MOCOS: variants seen among roughly 807,000 people sequenced by gnomAD.
The protein encoded by MOCOS is molybdenum cofactor sulfurase.
A neutral mutation model predicts 83.6 loss-of-function variants in MOCOS; 86 were observed. The ratio of observed to expected loss-of-function variants is 1.03; its 90% confidence interval spans 0.86 to 1.23. The LOEUF is 1.23. Among genes scored for constraint, MOCOS ranks in the 50% most tolerant of loss-of-function variants. The pLI is 0.00. For synonymous variants in MOCOS, 445 were observed against 434.7 expected (o/e 1.02, Z -0.29); for missense variants, 1,120 against 1,126.9 (o/e 0.99, Z 0.09).
chr18:36,198,355 C>T (rs942360578), intron 2 of MOCOS, among the ~76,000 whole-genome samples: 2 of 152,172 alleles, frequency 1.3e-5, no homozygotes, highest in African/African-American at 2.4e-5. Flanking sequence ...TGCCACTGCC[C>T]TCCATCCTGG....
chr18:36,199,321 T>A lies in MOCOS; in HGVS notation c.300-362T>A, dbSNP rs139818425. Among the ~76,000 whole-genome samples the A allele has an allele frequency of 5.6e-3, 857 of 152,332 alleles. 6 individuals carry two copies. Among genetic ancestry groups the A allele is most frequent in the African/African-American group, 0.019 (809 of 41,560 alleles). On this transcript the variant is annotated intron_variant, in intron 3 of 14. Transcript: ENST00000261326. ...TGTGAAAGTGATACTGTTTTGCTAT[T>A]AGAGTTGCCAAAACTAAAAGCAATG...
chr18:36,198,702 G>T lies in MOCOS; in HGVS notation c.245G>T (p.Ser82Ile). ...TGTAACCTGCCAGGTAATCCTCACA[G>T]CCAGAACATCAGCAGCAAGCTCACC... ...LMENTYGNPH[S>I]QNISSKLTHD... is the part of the protein sequence containing the mutation. The change falls in exon 3 of 15, where the codon AGC becomes ATC. Residue 82 changes from serine to isoleucine, a missense_variant. Transcript: ENST00000261326. 6.2e-7 allele frequency: 1 copy of T among 1,614,180 alleles called. No individual in the cohort carries two copies. Among genetic ancestry groups the T allele is most frequent in the Non-Finnish European group, 8.5e-7 (1 of 1,180,016 alleles).
intron 13 of MOCOS, among the ~76,000 whole-genome samples, chr18:36,265,742 T>G (rs1185538915): frequency 1.4e-4 from 1 of 7,348 alleles, no homozygotes; most frequent in African/African-American, 3.1e-4. Context: ...TACGTATGGA[T>G]ATATATATAT....
intron 4 of MOCOS, among the ~76,000 whole-genome samples, chr18:36,202,694 G>T (rs188342913): frequency 1.3e-5 from 2 of 152,308 alleles, no homozygotes; most frequent in African/African-American, 4.8e-5. Flanking sequence ...CCAAGACTGG[G>T]TAATTTATAA....
rs141031202 is a variant in MOCOS, at chr18:36,253,045, G to A, written c.2164+1762G>A. ...AGAAATAGGCATTTCCAGGGGTAGA[G>A]GCATGAAAGGAGTAGGATTTGTCAG... On this transcript the variant is annotated intron_variant, in intron 11 of 14. Transcript: ENST00000261326. 6.1e-3 allele frequency among the ~76,000 whole-genome samples: 933 copies of A among 152,282 alleles called. 5 individuals carry two copies. The highest frequency in any genetic ancestry group is 0.016 in the South Asian group (77 of 4,820).
chr18:36,187,715 G>T, intron 1 of MOCOS, 34 bp downstream of exon 1: 1 of 1,257,062 alleles, frequency 8.0e-7, no homozygotes, highest in Non-Finnish European at 1.0e-6. Flanking sequence ...GGGACACGAG[G>T]TTTCTGGAAC....
At chr18:36,213,079 A>C (rs1015300385) in intron 6 of MOCOS, among the ~76,000 whole-genome samples, 6 of 152,220 alleles carry the variant, frequency 3.9e-5, no homozygotes, top group Non-Finnish European at 2.9e-5. Flanking sequence ...ACACAGTAAC[A>C]CTTGGAGTCC....
chr18:36,265,740 G>GATATATATATAT (rs35832849), intron 13 of MOCOS, among the ~76,000 whole-genome samples: 2 of 149,346 alleles, frequency 1.3e-5, no homozygotes, highest in African/African-American at 4.9e-5. Context: ...GGTACGTATG[G>GATATATATATAT]ATATATATAT....
chr18:36,242,332 C>G (rs933227340), intron 9 of MOCOS, among the ~76,000 whole-genome samples: 1 of 152,230 alleles, frequency 6.6e-6, no homozygotes, highest in African/African-American at 2.4e-5. Context: ...TTCCTCATCT[C>G]TATCTGAGAC....
At position 36,268,895 on chromosome 18, in the gene MOCOS, A is replaced by C. The variant is rs939616208; in HGVS notation, c.*210A>C. On this transcript the variant is annotated 3_prime_UTR_variant, in exon 15 of 15. Coordinates refer to ENST00000261326, the MANE Select transcript of MOCOS (RefSeq NM_017947.4). ...CTCAGGAGAGCACTTCTGAGGCCTCAGGAACGAATGCTGCACCCACATCCA... is the reference window on the plus strand; with the variant it reads ...CTCAGGAGAGCACTTCTGAGGCCTCCGGAACGAATGCTGCACCCACATCCA... 4 of 584,968 alleles carry C rather than the reference A, an allele frequency of 6.8e-6. No individual in the cohort carries two copies. The highest frequency in any genetic ancestry group is 3.7e-5 in the African/African-American group (2 of 53,588). The allele number at this position is 584,968 out of a possible 1,614,324, so 36.2% of individuals were successfully genotyped here. A position where few individuals can be genotyped will look rare whatever the true frequency, so the allele number is the denominator to read the frequency against.
intron 9 of MOCOS, among the ~76,000 whole-genome samples, chr18:36,220,732 C>G (rs774424886): frequency 6.6e-6 from 1 of 151,862 alleles, no homozygotes; most frequent in Non-Finnish European, 1.5e-5. Context: ...ACCAGACTGG[C>G]CAACATGACG....
intron 1 of MOCOS, among the ~76,000 whole-genome samples, 199 bp downstream of exon 1, chr18:36,187,880 T>C (rs2091347869): frequency 6.6e-6 from 1 of 152,196 alleles, no homozygotes; most frequent in Admixed American, 6.5e-5. Context: ...CTTGCTACTC[T>C]TACTCTTCCG....
chr18:36,206,578 A>G (rs1447426178), intron 6 of MOCOS, among the ~76,000 whole-genome samples: 1 of 152,032 alleles, frequency 6.6e-6, no homozygotes, highest in Non-Finnish European at 1.5e-5. Flanking sequence ...TTCAGGGGAT[A>G]CATGTGCAGG....
At chr18:36,214,584 A>G (rs1268387440) in intron 7 of MOCOS, among the ~76,000 whole-genome samples, 5 of 152,052 alleles carry the variant, frequency 3.3e-5, no homozygotes, top group Non-Finnish European at 5.9e-5. Context: ...TTTCATTAGG[A>G]ATAATTTGAG....
intron 9 of MOCOS, among the ~76,000 whole-genome samples, chr18:36,237,446 A>G (rs376401203): frequency 2.0e-5 from 3 of 152,144 alleles, no homozygotes; most frequent in Non-Finnish European, 4.4e-5. Flanking sequence ...ATTGATTTGC[A>G]TATATTGAAC....
At chr18:36,198,552 A>G in intron 2 of MOCOS, 138 bp from the exon 3 acceptor site, 2 of 821,770 alleles carry the variant, frequency 2.4e-6, no homozygotes, top group African/African-American at 1.7e-5. Context: ...AGGGATAGAA[A>G]TCTAGGAGTG....
rs777177743 is a variant in MOCOS, at chr18:36,266,776, A to G, written c.2437A>G (p.Met813Val). 4 of 1,614,082 alleles carry G rather than the reference A, an allele frequency of 2.5e-6. No homozygotes were observed. The Admixed American group carries it at 5.0e-5, about 20-fold the overall frequency. ...TTTGGGGCCTTGTCACAGATGCCAG[A>G]TGATTTGCATCGACCAGCAAACTGG... ...QVLGPCHRCQMICIDQQTGQR... is the reference protein window; with the variant it reads ...QVLGPCHRCQVICIDQQTGQR... Residue 813 changes from methionine to valine, a missense_variant, in exon 14 of 15, where the codon ATG (methionine) becomes GTG (valine). Met to Val is a conservative substitution (Grantham distance 21). Transcript: ENST00000261326.
intron 9 of MOCOS, among the ~76,000 whole-genome samples, chr18:36,237,671 C>A (rs1284701471): frequency 3.3e-5 from 5 of 152,056 alleles, no homozygotes; most frequent in Non-Finnish European, 7.3e-5. Flanking sequence ...AGGATTCCCT[C>A]TTTTTCTATT....
chr18:36,228,674 C>G (rs375533008), intron 9 of MOCOS, among the ~76,000 whole-genome samples: 18 of 152,056 alleles, frequency 1.2e-4, no homozygotes, highest in African/African-American at 3.4e-4. Flanking sequence ...ACACTGAGAC[C>G]TACAGGAGGG....
Sources: allele counts gnomAD v4.1 joint callset (sites outside exome capture counted in the v4.1 genomes callset), GRCh38; gene constraint gnomAD v4.1.1; transcripts MANE v1.5; gene names NCBI Gene and HGNC (gene_info 2026-07-23, HGNC 2026-07-21).